DYNC2I1: variants seen among roughly 807,000 people sequenced by gnomAD.
The protein encoded by DYNC2I1 is dynein 2 intermediate chain 1, also known as cytoplasmic dynein 2 intermediate chain 1.
Under a neutral mutation model 133.4 loss-of-function variants are expected in DYNC2I1, and 89 were observed. The observed-to-expected ratio is 0.67, with a 90% CI of 0.56 to 0.80. The LOEUF (loss-of-function observed/expected upper bound fraction) is 0.80, where lower values mean the gene tolerates loss of function less well. Ranked by LOEUF, DYNC2I1 falls within the 30% of genes least tolerant of loss-of-function variation. The probability of loss-of-function intolerance (pLI) is 0.00; values close to 1 mark genes in which losing one functional copy is unlikely to be tolerated. For missense variants in DYNC2I1, 1,291 were observed against 1,314.5 expected, an observed-to-expected ratio of 0.98 and a Z score of 0.28; for synonymous variants, 504 against 484.3, an observed-to-expected ratio of 1.04 and a Z score of -0.54.
chr7:158,862,582 T>C (rs1199586702), intron 1 of DYNC2I1, among the ~76,000 whole-genome samples: 1 of 139,734 alleles, frequency 7.2e-6, no homozygotes, highest in African/African-American at 2.7e-5. Context: ...AGCCTGGGCA[T>C]GGTGGTGCAT....
chr7:158,902,311 A>T (rs1846332834), intron 9 of DYNC2I1, 65 bp from the exon 10 acceptor site: 1 of 1,331,966 alleles, frequency 7.5e-7, no homozygotes, highest in Non-Finnish European at 1.1e-6. Context: ...TGTTTTGTTC[A>T]GTATGAGGGA....
chr7:158,855,580 G>A (rs1563059464), upstream of DYNC2I1, among the ~76,000 whole-genome samples: 1 of 152,210 alleles, frequency 6.6e-6, no homozygotes, highest in Non-Finnish European at 1.5e-5. Context: ...GGCTGTTACC[G>A]TCTGTGTTTA....
chr7:158,849,116 C>T, the DYNC2I1 span, among the ~76,000 whole-genome samples: 1 of 152,188 alleles, frequency 6.6e-6, no homozygotes, highest in African/African-American at 2.4e-5. Context: ...AGTCCCTTGG[C>T]TCAGCTCCCT....
At chr7:158,915,994 C>T (rs188399516) in intron 14 of DYNC2I1, among the ~76,000 whole-genome samples, 18 of 98,608 alleles carry the variant, frequency 1.8e-4, no homozygotes, top group African/African-American at 3.7e-4. Context: ...AACGTCGACA[C>T]GCTGGTTGAC....
chr7:158,891,090 A>G (rs1845166781), intron 7 of DYNC2I1, among the ~76,000 whole-genome samples, 175 bp from the exon 8 acceptor site: 1 of 152,232 alleles, frequency 6.6e-6, no homozygotes, highest in Admixed American at 6.5e-5. Flanking sequence ...TAAGTCACAC[A>G]GTTTGTCAGC....
intron 8 of DYNC2I1, among the ~76,000 whole-genome samples, chr7:158,897,343 A>T (rs927160497): frequency 6.6e-6 from 1 of 152,212 alleles, no homozygotes; most frequent in African/African-American, 2.4e-5. Flanking sequence ...AGAATTCACC[A>T]GTATTAGTGC....
chr7:158,839,671 T>A, the DYNC2I1 span, among the ~76,000 whole-genome samples: 1 of 152,184 alleles, frequency 6.6e-6, no homozygotes, highest in Non-Finnish European at 1.5e-5. Flanking sequence ...TACAAAAAAA[T>A]TAGCAGGGCG....
intron 4 of DYNC2I1, 95 bp downstream of exon 4, chr7:158,876,786 C>T: frequency 7.0e-7 from 1 of 1,433,236 alleles, no homozygotes; most frequent in Non-Finnish European, 9.1e-7. Context: ...AGAAAATGTC[C>T]TAAGCCAGGA....
At position 158,913,050 on chromosome 7, in the gene DYNC2I1, G is replaced by A. The variant is rs200949430; in HGVS notation, c.1656G>A (p.Arg552=). The change falls in exon 13 of 25, where the codon AGG becomes AGA. Residue 552 remains arginine, a synonymous_variant. Transcript: ENST00000407559. The part of the protein sequence containing the change: ...RDIQTEEIET[R]EVWTQHPGES... ...TTCAAACGGAGGAAATAGAGACCAG[G>A]GAAGTGTGGACCCAGCACCCGGGAG... 7.1e-5 allele frequency: 114 copies of A among 1,613,426 alleles called. No individual in the cohort carries two copies. Among genetic ancestry groups the A allele is most frequent in the Non-Finnish European group, 9.2e-5 (109 of 1,179,682 alleles).
At position 158,856,940 on chromosome 7, in the gene DYNC2I1, G is replaced by A. The variant is rs568407757; in HGVS notation, c.15+190G>A. ...AGGCGCGGCTGGCCGTCGGCGCGAG[G>A]GATGGCAGGACGCCGGGCTCCCGGC... On this transcript the variant is annotated intron_variant, in intron 1 of 24. Transcript: ENST00000407559. Among the ~76,000 whole-genome samples, 6 of 152,160 alleles carry A rather than the reference G, an allele frequency of 3.9e-5. No individual in the cohort carries two copies. The East Asian group carries it at 1.2e-3, about 30-fold the overall frequency.
chr7:158,901,696 TATG>T (rs1846278491), intron 8 of DYNC2I1, 40 bp from the exon 9 acceptor site: 2 of 1,299,228 alleles, frequency 1.5e-6, no homozygotes, highest in African/African-American at 3.0e-5. Context: ...TATTCAATTT[TATG>T]ATTGAATTTT....
chr7:158,914,135 A>G (rs2129485122), intron 13 of DYNC2I1, 98 bp from the exon 14 acceptor site: 1 of 912,666 alleles, frequency 1.1e-6, no homozygotes, highest in East Asian at 2.7e-5. Flanking sequence ...TGGGACTCTT[A>G]ATGTTGATTT....
rs1446009884 is a variant in DYNC2I1 at position 158,871,675 on chromosome 7, C to G, written c.490+113C>G. The G allele has an allele frequency of 3.2e-6, 4 of 1,252,734 alleles. No individual in the cohort carries two copies. The African/African-American group carries it at 6.0e-5, about 19-fold the overall frequency. The allele number at this position is 1,252,734 out of a possible 1,614,324, so 77.6% of individuals were successfully genotyped here. On this transcript the variant is annotated intron_variant, in intron 3 of 24. Coordinates refer to ENST00000407559, the MANE Select transcript of DYNC2I1 (RefSeq NM_018051.5). ...TCTCTCCCCCGCTTCCCTCCTTCCC[C>G]TTTCCTTTTTTTTCTGGACAGGGTC...
intron 4 of DYNC2I1, among the ~76,000 whole-genome samples, chr7:158,879,403 T>C (rs1295888244): frequency 6.6e-6 from 1 of 152,072 alleles, no homozygotes; most frequent in African/African-American, 2.4e-5. Context: ...AATGGTGTAG[T>C]GTCTGCATAT....
In DYNC2I1 at chr7:158,902,797, T is replaced by C. The variant is rs190485130; in HGVS notation, c.1357+202T>C. On this transcript the variant is annotated intron_variant, in intron 10 of 24. Transcript: ENST00000407559. Reference sequence around the variant, plus strand: ...GAGCACGAGCCCATCCAGAATTCTCTTACACAGAGAAGTTGCACGTCACTT... The same window carrying C: ...GAGCACGAGCCCATCCAGAATTCTCCTACACAGAGAAGTTGCACGTCACTT... 1.2e-4 allele frequency: 69 copies of C among 570,766 alleles called. No individual in the cohort carries two copies. The East Asian group carries it at 1.2e-3, about 10-fold the overall frequency. The allele number at this position is 570,766 out of a possible 1,614,324, so 35.4% of individuals were successfully genotyped here. A position where few individuals can be genotyped will look rare whatever the true frequency, so the allele number is the denominator to read the frequency against.
intron 24 of DYNC2I1, among the ~76,000 whole-genome samples, chr7:158,944,286 G>C (rs1363847035): frequency 6.6e-6 from 1 of 151,848 alleles, no homozygotes; most frequent in South Asian, 2.1e-4. Context: ...CTCTTTGCTT[G>C]GATTCTGTCT....
chr7:158,871,665 C>G, intron 3 of DYNC2I1, 103 bp downstream of exon 3: 1 of 1,280,976 alleles, frequency 7.8e-7, no homozygotes, highest in Non-Finnish European at 1.0e-6. Flanking sequence ...CCCCCGCTTC[C>G]CTCCTTCCCC....
At chr7:158,921,797 G>A (rs1179841043) in intron 15 of DYNC2I1, among the ~76,000 whole-genome samples, 1 of 152,208 alleles carries the variant, frequency 6.6e-6, no homozygotes, top group Non-Finnish European at 1.5e-5. Flanking sequence ...GTTCTCGCCA[G>A]TCATGGACTT....
rs751265501 is a variant in DYNC2I1 at position 158,945,381 on chromosome 7, C to T, written c.3003-200C>T. On this transcript the variant is annotated intron_variant, in intron 24 of 24. Coordinates refer to ENST00000407559, the MANE Select transcript of DYNC2I1 (RefSeq NM_018051.5). This position sits in a 1 kb window ranked among gnomAD's most constrained non-coding sequence, Gnocchi z 4.1. ...CCTCATCACTTACCTCTGCGAAGTT[C>T]CATCTGGCAGGCCTCTGACATGCGG... is the stretch of plus-strand genomic sequence containing the variant. Among the ~76,000 whole-genome samples the T allele has an allele frequency of 1.3e-5, 2 of 152,220 alleles. No homozygotes were observed. Among genetic ancestry groups the T allele is most frequent in the Non-Finnish European group, 2.9e-5 (2 of 68,036 alleles).
Sources: gnomAD v4.1 joint callset for allele counts (sites outside exome capture counted in the v4.1 genomes callset) on GRCh38, gnomAD v4.1.1 for gene constraint, Gnocchi (gnomAD v3.1) non-coding constraint, MANE v1.5 for transcripts, NCBI Gene and HGNC (gene_info 2026-07-23, HGNC 2026-07-21) for gene names.